Variants in KIAA0586 observed in about 807,000 individuals in gnomAD.
KIAA0586 encodes protein TALPID3.
In KIAA0586, 144 loss-of-function variants were observed where a neutral mutation model predicts 169.8. The ratio of observed to expected loss-of-function variants is 0.85; its 90% CI spans 0.74 to 0.97. KIAA0586 has a LOEUF of 0.97. KIAA0586 is among the 50% of genes least tolerant of loss of function. The probability of loss-of-function intolerance (pLI) is 0.00; values close to 1 mark genes in which losing one functional copy is unlikely to be tolerated. For missense variants in KIAA0586, 1,854 were observed against 1,823.0 expected (o/e 1.02, Z -0.31); for synonymous variants, 625 against 612.4 (o/e 1.02, Z -0.30).
At chr14:58,448,309 G>GA in intron 6 of KIAA0586, 31 bp from the exon 7 acceptor site, 2 of 1,347,382 alleles carry the variant, frequency 1.5e-6, no homozygotes, top group Non-Finnish European at 2.1e-6. Flanking sequence ...AATGATATTT[G>GA]AAAATAATAA....
At position 58,549,667 on chromosome 14, in the gene KIAA0586, G is replaced by A. The variant is rs1042869505; in HGVS notation, c.*1735G>A. ...ACAAGTGGAAGAAAAATTCTGCTCT[G>A]TGGATTTTAATTTGTTTTTGATATT... is the stretch of plus-strand genomic sequence containing the variant. On this transcript the variant is annotated 3_prime_UTR_variant, in exon 31 of 31. Coordinates refer to ENST00000652326, the MANE Select transcript of KIAA0586 (RefSeq NM_001329943.3). The A allele has an allele frequency of 4.6e-5, 7 of 152,188 alleles. No individual in the cohort carries two copies. Among genetic ancestry groups the A allele is most frequent in the African/African-American group, 1.7e-4 (7 of 41,436 alleles). The allele number at this position is 152,188 out of a possible 1,614,324, so 9.4% of individuals were successfully genotyped here. A position where few individuals can be genotyped will look rare whatever the true frequency, so the allele number is the denominator to read the frequency against.
intron 20 of KIAA0586, among the ~76,000 whole-genome samples, chr14:58,479,639 AG>A (rs2041892259): frequency 6.9e-6 from 1 of 144,338 alleles, no homozygotes; most frequent in Non-Finnish European, 1.6e-5. Flanking sequence ...TTCTTCTAGA[AG>A]ATGTATGGTT....
chr14:58,541,523 A>G (rs1595544476), intron 30 of KIAA0586, among the ~76,000 whole-genome samples: 1 of 152,348 alleles, frequency 6.6e-6, no homozygotes, highest in African/African-American at 2.4e-5. Context: ...TCAGAATAAG[A>G]CAGCCACAAT....
In KIAA0586 at chr14:58,467,793, A is replaced by T; in HGVS notation, c.2313A>T (p.Pro771=). ...CTGCTGGAGTGATTGTCAGCAAGCC[A>T]CACCCTGTAACTGTGACTACTTCTA... ...MPPAGVIVSK[P]HPVTVTTSIP... Residue 771 remains proline, a synonymous_variant, in exon 16 of 31, where the codon CCA becomes CCT. Coordinates refer to ENST00000652326, the MANE Select transcript of KIAA0586 (RefSeq NM_001329943.3). 6.2e-7 allele frequency: 1 copy of T among 1,613,904 alleles called. No individual in the cohort carries two copies. Among genetic ancestry groups the T allele is most frequent in the Admixed American group, 1.7e-5 (1 of 60,016 alleles).
chr14:58,501,979 A>G (rs1032194124), intron 27 of KIAA0586, among the ~76,000 whole-genome samples: 1 of 152,142 alleles, frequency 6.6e-6, no homozygotes, highest in Non-Finnish European at 1.5e-5. Context: ...AGGCTTGACT[A>G]GGGTTGAAGG....
At position 58,548,056 on chromosome 14, in the gene KIAA0586, T is replaced by C; in HGVS notation, c.*124T>C. ...ATTCTGAAAAAAAAATTCCAATATT[T>C]TAAAATAAAACAAAAAGCATAATTT... On this transcript the variant is annotated 3_prime_UTR_variant, in exon 31 of 31. Coordinates refer to ENST00000652326, the MANE Select transcript of KIAA0586 (RefSeq NM_001329943.3). The C allele has an allele frequency of 8.6e-7, 1 of 1,161,416 alleles. No homozygotes were observed. Among genetic ancestry groups the C allele is most frequent in the South Asian group, 1.8e-5 (1 of 55,336 alleles). The allele number at this position is 1,161,416 out of a possible 1,614,324, so 71.9% of individuals were successfully genotyped here.
Position 58,487,972 on chromosome 14 carries a change from C to G in KIAA0586, c.3390C>G (p.Thr1130=). ...CTCCTCCAGCGGCGGCAGTTTTTAC[C>G]CCAACTTTGTCAGATATTTCCATTG... The part of the protein sequence containing the change: ...TTPPPAAAVF[T]PTLSDISIDK... The change falls in exon 23 of 31, where the codon ACC becomes ACG. Residue 1130 remains threonine, a synonymous_variant. Coordinates refer to ENST00000652326, the MANE Select transcript of KIAA0586 (RefSeq NM_001329943.3). 1 of 1,613,530 alleles carries G rather than the reference C, an allele frequency of 6.2e-7. No homozygotes were observed. The highest frequency in any genetic ancestry group is 8.5e-7 in the Non-Finnish European group (1 of 1,179,730).
chr14:58,522,959 G>A (rs927506892), intron 29 of KIAA0586, among the ~76,000 whole-genome samples: 3 of 151,962 alleles, frequency 2.0e-5, no homozygotes, highest in Non-Finnish European at 2.9e-5. Flanking sequence ...TTAAACATAG[G>A]TGATTATTTT....
upstream of KIAA0586, chr14:58,427,611 G>C: frequency 6.5e-7 from 1 of 1,535,614 alleles, no homozygotes; most frequent in Non-Finnish European, 8.7e-7. Flanking sequence ...ACCAGAGAGC[G>C]CTTAGCTTTC....
chr14:58,534,878 A>G (rs550252438), intron 29 of KIAA0586, among the ~76,000 whole-genome samples: 1 of 152,328 alleles, frequency 6.6e-6, no homozygotes, highest in South Asian at 2.1e-4. Context: ...GAAGAATAAT[A>G]TACATTCAGA....
intron 29 of KIAA0586, among the ~76,000 whole-genome samples, chr14:58,524,983 G>A (rs924338759): frequency 6.6e-6 from 1 of 152,094 alleles, no homozygotes; most frequent in African/African-American, 2.4e-5. Flanking sequence ...AGGATAACAG[G>A]CATGAGCCAC....
intron 29 of KIAA0586, among the ~76,000 whole-genome samples, chr14:58,519,088 C>T (rs1183674571): frequency 2.6e-5 from 4 of 152,224 alleles, no homozygotes; most frequent in African/African-American, 9.6e-5. Flanking sequence ...GCTGAGATCG[C>T]ACCACTGCAC....
intron 28 of KIAA0586, among the ~76,000 whole-genome samples, chr14:58,511,050 A>G (rs2044350103): frequency 6.6e-6 from 1 of 152,146 alleles, no homozygotes; most frequent in African/African-American, 2.4e-5. Flanking sequence ...TATTATCTTG[A>G]TTGTGGTGAT....
In KIAA0586 at chr14:58,428,072, T is replaced by G. The variant is rs2036991078; in HGVS notation, c.-193T>G. On this transcript the variant is annotated 5_prime_UTR_variant, in exon 1 of 31. It adds an upstream start codon to the 5' untranslated region. Transcript: ENST00000652326. Reference sequence around the variant, plus strand: ...GGTGTATTAATAGACTGAGTGGGATTAATGGGTAAATATGACTTTATAGTC... The same window carrying G: ...GGTGTATTAATAGACTGAGTGGGATGAATGGGTAAATATGACTTTATAGTC... The G allele has an allele frequency of 6.9e-7, 1 of 1,446,160 alleles. No homozygotes were observed. The highest frequency in any genetic ancestry group is 9.0e-7 in the Non-Finnish European group (1 of 1,105,848). The allele number at this position is 1,446,160 out of a possible 1,614,324, so 89.6% of individuals were successfully genotyped here. A position where few individuals can be genotyped will look rare whatever the true frequency, so the allele number is the denominator to read the frequency against.
In KIAA0586 at chr14:58,512,592, G is replaced by T; in HGVS notation, c.4394G>T (p.Arg1465Ile). The change falls in exon 29 of 31, where the codon AGA becomes ATA. Residue 1465 changes from arginine to isoleucine, a missense_variant. By Grantham distance (97) the Arg-to-Ile change is moderately conservative (BLOSUM62 -3). Transcript: ENST00000652326. ...HKPSQSYLRV[R>I]NKSDIAPSQQ... ...CCATCACAAAGTTACCTACGTGTTAGAAATAAATCTGATATTGCACCTTCA... is the reference window on the plus strand; with the variant it reads ...CCATCACAAAGTTACCTACGTGTTATAAATAAATCTGATATTGCACCTTCA... 1 of 1,534,602 alleles carries T rather than the reference G, an allele frequency of 6.5e-7. No homozygotes were observed. The highest frequency in any genetic ancestry group is 8.7e-7 in the Non-Finnish European group (1 of 1,148,988).
intron 29 of KIAA0586, among the ~76,000 whole-genome samples, chr14:58,527,212 A>C (rs982593968): frequency 6.6e-6 from 1 of 152,166 alleles, no homozygotes; most frequent in Non-Finnish European, 1.5e-5. Context: ...ATGTGAAAAG[A>C]CCAAACCTAC....
chr14:58,527,480 A>G lies in KIAA0586; in HGVS notation c.4430-12591A>G, dbSNP rs554019126. ...GAAAGGTTGGGTTACCCACAAAAGG[A>G]AGCCCATAAGACTAACAGTGGCTCT... On this transcript the variant is annotated intron_variant, in intron 29 of 30. Coordinates refer to ENST00000652326, the MANE Select transcript of KIAA0586 (RefSeq NM_001329943.3). Among the ~76,000 whole-genome samples, 5 of 152,332 alleles carry G rather than the reference A, an allele frequency of 3.3e-5. No homozygotes were observed. In the East Asian group the frequency reaches 5.8e-4, roughly 18 times the overall value.
chr14:58,517,101 G>A (rs965527864), intron 29 of KIAA0586, among the ~76,000 whole-genome samples: 3 of 152,150 alleles, frequency 2.0e-5, no homozygotes, highest in Non-Finnish European at 2.9e-5. Flanking sequence ...AGATTTCTAA[G>A]CTATTGCAGA....
At chr14:58,520,202 T>A (rs1385917933) in intron 29 of KIAA0586, among the ~76,000 whole-genome samples, 4 of 152,326 alleles carry the variant, frequency 2.6e-5, no homozygotes, top group African/African-American at 9.6e-5. Context: ...AATTGAGATA[T>A]AATTCACATA....
Sources: gnomAD v4.1 joint callset for allele counts (sites outside exome capture counted in the v4.1 genomes callset) on GRCh38, gnomAD v4.1.1 for gene constraint, MANE v1.5 for transcripts, NCBI Gene and HGNC (gene_info 2026-07-23, HGNC 2026-07-21) for gene names.